The following NLGN4Y variants were observed in gnomAD, a reference collection of about 807,000 sequenced individuals.
NLGN4Y encodes neuroligin-4, Y-linked.
NLGN4Y carries 4 observed loss-of-function variants against 8.4 expected under a neutral mutation model. The observed-to-expected ratio is 0.48, with a 90% CI of 0.23 to 1.09. The LOEUF (loss-of-function observed/expected upper bound fraction) is 1.09. Among genes scored for constraint, NLGN4Y ranks in the 50% least tolerant of loss-of-function variants. The probability of loss-of-function intolerance (pLI) is 0.19; values close to 1 mark genes in which losing one functional copy is unlikely to be tolerated. For synonymous variants in NLGN4Y, 35 were observed against 75.6 expected, an observed-to-expected ratio of 0.46 and a Z score of 2.78; for missense variants, 90 against 192.3, an observed-to-expected ratio of 0.47 and a Z score of 3.15.
At chrY:14,754,992 C>T in intron 4 of NLGN4Y, among the ~76,000 whole-genome samples, 1 of 33,229 alleles carries the variant, frequency 3.0e-5, no homozygotes, top group African/African-American at 1.2e-4. Context: ...GTATGTTGCT[C>T]ACATACTCTA....
intron 2 of NLGN4Y, among the ~76,000 whole-genome samples, chrY:14,694,022 A>G (rs2080819782): frequency 3.6e-4 from 12 of 33,040 alleles, no homozygotes; most frequent in Admixed American, 5.6e-4. Flanking sequence ...ACCGTGCTTT[A>G]GAGCTATTGA....
chrY:14,710,980 C>A, intron 2 of NLGN4Y, among the ~76,000 whole-genome samples: 1 of 33,626 alleles, frequency 3.0e-5, no homozygotes, highest in African/African-American at 1.2e-4. Context: ...TTAGCTACTG[C>A]TGCATAACAA....
chrY:14,629,875 T>C, intron 2 of NLGN4Y, among the ~76,000 whole-genome samples: 1 of 33,535 alleles, frequency 3.0e-5, no homozygotes, highest in East Asian at 8.1e-4. Flanking sequence ...CAAAATATTT[T>C]TGAGGAGCAG....
intron 4 of NLGN4Y, among the ~76,000 whole-genome samples, chrY:14,736,892 G>A (rs2080992881): frequency 3.0e-5 from 1 of 32,813 alleles, no homozygotes; most frequent in African/African-American, 1.2e-4. Flanking sequence ...GTCTTTATTA[G>A]CAACATGAGA....
chrY:14,678,596 CAG>C (rs2080758137), intron 2 of NLGN4Y, among the ~76,000 whole-genome samples: 1 of 33,139 alleles, frequency 3.0e-5, no homozygotes, highest in Non-Finnish European at 7.4e-5. Context: ...CCAGTCATCT[CAG>C]AGTCTGACTG....
rs2043044118 is a variant in NLGN4Y at position 14,803,168 on chromosome Y, ATTGT to A, written c.686-21019_686-21016del. On this transcript the variant is annotated intron_variant, in intron 4 of 6. Coordinates refer to ENST00000684976, the MANE Select transcript of NLGN4Y (RefSeq NM_001365588.1). ...AATTATTATATCTAGTTTATGCTAT[ATTGT>A]ATGTAATTATATATAAAATATAATT... Among the ~76,000 whole-genome samples the A allele has an allele frequency of 1.7e-4, 4 of 24,151 alleles. No homozygotes were observed. The East Asian group carries it at 3.8e-3, about 23-fold the overall frequency. The allele number at this position is 24,151 out of a possible 37,273, so 64.8% of individuals were successfully genotyped here.
At chrY:14,541,274 G>A (rs2080148636) in intron 1 of NLGN4Y, among the ~76,000 whole-genome samples, 4 of 33,244 alleles carry the variant, frequency 1.2e-4, no homozygotes, top group Non-Finnish European at 3.0e-4. Context: ...GAAAAGCAAC[G>A]AACAAAGCCT....
chrY:14,653,040 G>GTA (rs771944897), intron 2 of NLGN4Y, among the ~76,000 whole-genome samples: 289 of 31,667 alleles, frequency 9.1e-3, no homozygotes, highest in South Asian at 0.036. Flanking sequence ...ATAGATATGT[G>GTA]TATATATATA....
At chrY:14,685,925 G>A (rs2080788287) in intron 2 of NLGN4Y, among the ~76,000 whole-genome samples, 1 of 32,771 alleles carries the variant, frequency 3.1e-5, no homozygotes, top group African/African-American at 1.2e-4. Context: ...CTTCCTGGAG[G>A]GCAAGTTTTG....
intron 2 of NLGN4Y, among the ~76,000 whole-genome samples, chrY:14,697,751 T>A: frequency 3.1e-5 from 1 of 32,422 alleles, no homozygotes; most frequent in Non-Finnish European, 7.6e-5. Context: ...TAGATAGACA[T>A]CTTAATTCCT....
chrY:14,591,700 C>T (rs957921416), intron 1 of NLGN4Y, among the ~76,000 whole-genome samples: 3 of 33,184 alleles, frequency 9.0e-5, no homozygotes. Context: ...TGGTAGGTGC[C>T]GCAGAGGCAG....
intron 4 of NLGN4Y, among the ~76,000 whole-genome samples, chrY:14,796,318 A>G (rs2043008171): frequency 6.1e-5 from 2 of 32,857 alleles, no homozygotes; most frequent in Admixed American, 2.8e-4. Flanking sequence ...AATAGGCCGG[A>G]CGCGGTGGCT....
At chrY:14,579,642 G>A in intron 1 of NLGN4Y, among the ~76,000 whole-genome samples, 1 of 32,823 alleles carries the variant, frequency 3.0e-5, no homozygotes, top group Non-Finnish European at 7.4e-5. Flanking sequence ...AACCTGGGAA[G>A]TCGGGGTTGC....
At chrY:14,685,137 G>A in intron 2 of NLGN4Y, among the ~76,000 whole-genome samples, 1 of 33,015 alleles carries the variant, frequency 3.0e-5, no homozygotes, top group South Asian at 7.0e-4. Context: ...CTTGTCATTA[G>A]TCGTTTCTGG....
intron 1 of NLGN4Y, among the ~76,000 whole-genome samples, chrY:14,532,120 C>T (rs746665408): frequency 6.6e-4 from 21 of 32,044 alleles, no homozygotes; most frequent in Admixed American, 6.1e-3. Flanking sequence ...GTCAGGAAAG[C>T]TCATTTGAGT....
At chrY:14,549,655 C>A in intron 1 of NLGN4Y, among the ~76,000 whole-genome samples, 2 of 33,374 alleles carry the variant, frequency 6.0e-5, no homozygotes, top group African/African-American at 1.2e-4. Flanking sequence ...GTTTCTTGCA[C>A]TTCTCTCCCA....
At chrY:14,617,220 C>T in intron 1 of NLGN4Y, among the ~76,000 whole-genome samples, 9 of 26,531 alleles carry the variant, frequency 3.4e-4, no homozygotes, top group African/African-American at 1.3e-3. Flanking sequence ...CTCTTTTGAT[C>T]TTTGTTGGTT....
intron 6 of NLGN4Y, among the ~76,000 whole-genome samples, chrY:14,833,786 A>T: frequency 5.9e-5 from 2 of 33,651 alleles, no homozygotes; most frequent in African/African-American, 2.3e-4. Flanking sequence ...CCGGTACCTC[A>T]GTTGGAAATG....
intron 1 of NLGN4Y, among the ~76,000 whole-genome samples, chrY:14,559,103 T>A (rs1024211230): frequency 4.8e-4 from 16 of 33,332 alleles, no homozygotes; most frequent in African/African-American, 1.9e-3. Flanking sequence ...AGATAAAGTC[T>A]CATAGTTGGC....
Sources: gnomAD v4.1 joint callset for allele counts (sites outside exome capture counted in the v4.1 genomes callset) on GRCh38, gnomAD v4.1.1 for gene constraint, MANE v1.5 for transcripts, NCBI Gene and HGNC (gene_info 2026-07-23, HGNC 2026-07-21) for gene names.